FOXP1: variants seen among roughly 807,000 people sequenced by gnomAD.
The protein encoded by FOXP1 is forkhead box protein P1.
In FOXP1, 15 loss-of-function variants were observed where a neutral mutation model predicts 98.2. The ratio of observed to expected loss-of-function variants is 0.15; its 90% CI spans 0.10 to 0.24. The LOEUF (loss-of-function observed/expected upper bound fraction) is 0.24. Among genes scored for constraint, FOXP1 ranks in the 10% least tolerant of loss-of-function variants. The pLI is 1.00. For missense variants in FOXP1, 633 were observed against 848.5 expected (o/e 0.75, Z 3.15); for synonymous variants, 371 against 314.5 (o/e 1.18, Z -1.90).
At chr3:70,960,050 G>A (rs1444663507) in intron 20 of FOXP1, among the ~76,000 whole-genome samples, 1 of 152,158 alleles carries the variant, frequency 6.6e-6, no homozygotes, top group African/African-American at 2.4e-5. Context: ...GTTCTGCTTT[G>A]CTAGTTAACA....
rs11414939 is a variant in FOXP1 at position 71,544,848 on chromosome 3, C to CTT, written c.-298+36699_-298+36700dup. The stretch of plus-strand genomic sequence containing the variant: ...AGGGTAGTCAAGAAAGATAATAGGG[C>CTT]TTTTTTTTTCCAGATTCAGCTTATG... On this transcript the variant is annotated intron_variant, in intron 2 of 20. Transcript: ENST00000649528. Among the ~76,000 whole-genome samples the CTT allele has an allele frequency of 9.3e-4, 140 of 150,836 alleles. 1 individual carries two copies. The East Asian group carries it at 0.01, about 11-fold the overall frequency.
rs1397289696 is a variant in FOXP1, at chr3:71,001,008, T to C, written c.1026A>G (p.Arg342=). The C allele has an allele frequency of 6.2e-7, 1 of 1,613,526 alleles. No individual in the cohort carries two copies. The highest frequency in any genetic ancestry group is 1.3e-5 in the African/African-American group (1 of 74,930). The stretch of plus-strand genomic sequence containing the variant: ...ACTGCTGTACAACCTGCATTTGTAC[T>C]CTACATTGGGCTGTACTTCTATCGT... ...ALDDRSTAQC[R]VQMQVVQQLE... Residue 342 remains arginine, a synonymous_variant, in exon 13 of 21, where the codon AGA becomes AGG. Transcript: ENST00000649528.
At chr3:71,143,829 T>C (rs2060182235) in intron 6 of FOXP1, among the ~76,000 whole-genome samples, 1 of 152,216 alleles carries the variant, frequency 6.6e-6, no homozygotes, top group Non-Finnish European at 1.5e-5. Flanking sequence ...ACCACTGCTA[T>C]GAATAGGAGC....
chr3:71,541,517 A>G (rs1207556753), intron 2 of FOXP1, among the ~76,000 whole-genome samples: 1 of 152,224 alleles, frequency 6.6e-6, no homozygotes, highest in Admixed American at 6.5e-5. Flanking sequence ...AACAATCTGC[A>G]TACTTCCATC....
chr3:71,474,129 T>C (rs1240618899), intron 3 of FOXP1, among the ~76,000 whole-genome samples: 1 of 152,006 alleles, frequency 6.6e-6, no homozygotes, highest in Non-Finnish European at 1.5e-5. Context: ...CAAAAAAGAC[T>C]AGAAGGAAAT....
intron 2 of FOXP1, among the ~76,000 whole-genome samples, chr3:71,504,244 G>C (rs1420154991): frequency 2.0e-5 from 3 of 151,766 alleles, no homozygotes; most frequent in African/African-American, 7.3e-5. Flanking sequence ...ACAATACTTG[G>C]AGCACTTTCA....
intron 2 of FOXP1, among the ~76,000 whole-genome samples, chr3:71,537,628 C>T (rs1438436070): frequency 6.6e-6 from 1 of 152,210 alleles, no homozygotes; most frequent in Non-Finnish European, 1.5e-5. Context: ...CCAGCCCTGG[C>T]AGCCAATATC....
chr3:71,029,059 GA>G (rs1338512826), intron 11 of FOXP1, among the ~76,000 whole-genome samples: 1 of 152,154 alleles, frequency 6.6e-6, no homozygotes, highest in African/African-American at 2.4e-5. Flanking sequence ...ATTCCTAACA[GA>G]CCATAGACCA....
At chr3:70,990,650 T>C (rs559475640) in intron 13 of FOXP1, among the ~76,000 whole-genome samples, 13 of 152,298 alleles carry the variant, frequency 8.5e-5, no homozygotes, top group Admixed American at 2.6e-4. Flanking sequence ...AGAGAAAATT[T>C]GTGTTGAAAT....
chr3:71,007,941 T>C (rs2043012248), intron 12 of FOXP1, among the ~76,000 whole-genome samples: 1 of 152,160 alleles, frequency 6.6e-6, no homozygotes, highest in Admixed American at 6.6e-5. Context: ...TATTTTGGCT[T>C]TCATAAATTA....
intron 7 of FOXP1, among the ~76,000 whole-genome samples, chr3:71,081,258 C>T (rs556386215): frequency 1.3e-5 from 2 of 152,260 alleles, no homozygotes; most frequent in African/African-American, 4.8e-5. Context: ...GGTATCTCCC[C>T]AGTTCTTTCC....
chr3:71,489,343 A>G (rs936535209), intron 3 of FOXP1, among the ~76,000 whole-genome samples: 2 of 152,190 alleles, frequency 1.3e-5, no homozygotes, highest in Non-Finnish European at 2.9e-5. Context: ...ACACATAACA[A>G]TGAATGTTGC....
intron 9 of FOXP1, among the ~76,000 whole-genome samples, chr3:71,051,966 C>T (rs1246438651): frequency 6.6e-6 from 1 of 152,202 alleles, no homozygotes; most frequent in African/African-American, 2.4e-5. Context: ...ACAACCCAAG[C>T]TGGAGTCTTC....
intron 4 of FOXP1, among the ~76,000 whole-genome samples, chr3:71,300,494 A>T (rs1032150026): frequency 6.6e-6 from 1 of 152,152 alleles, no homozygotes; most frequent in Non-Finnish European, 1.5e-5. Context: ...TGTCACATGA[A>T]ACAAACAATT....
intron 20 of FOXP1, among the ~76,000 whole-genome samples, chr3:70,962,457 A>G (rs1430756331): frequency 6.6e-6 from 1 of 152,210 alleles, no homozygotes; most frequent in African/African-American, 2.4e-5. Context: ...TTTAAACTCA[A>G]TCTCATCAGC....
At chr3:71,152,575 G>T (rs905492419) in intron 6 of FOXP1, among the ~76,000 whole-genome samples, 1 of 152,174 alleles carries the variant, frequency 6.6e-6, no homozygotes, top group Admixed American at 6.5e-5. Context: ...GTGGGGGACA[G>T]CTGTGGCTCT....
At chr3:71,470,905 G>T (rs1181571771) in intron 3 of FOXP1, among the ~76,000 whole-genome samples, 1 of 152,086 alleles carries the variant, frequency 6.6e-6, no homozygotes, top group East Asian at 1.9e-4. Flanking sequence ...TTGCACCCAC[G>T]TGACCATGAG....
intron 13 of FOXP1, among the ~76,000 whole-genome samples, chr3:70,992,950 A>G (rs1435554678): frequency 1.3e-5 from 2 of 152,174 alleles, no homozygotes; most frequent in Admixed American, 6.5e-5. Flanking sequence ...TGTGCAGGGC[A>G]TATCAGGAGG....
chr3:71,186,357 G>T (rs2062643721), intron 6 of FOXP1, among the ~76,000 whole-genome samples: 1 of 152,158 alleles, frequency 6.6e-6, no homozygotes, highest in African/African-American at 2.4e-5. Context: ...AACTCTAGAG[G>T]AATGATGACA....
Sources: allele counts gnomAD v4.1 joint callset (sites outside exome capture counted in the v4.1 genomes callset), GRCh38; gene constraint gnomAD v4.1.1; transcripts MANE v1.5; gene names NCBI Gene and HGNC (gene_info 2026-07-23, HGNC 2026-07-21).